CCDC149: variants seen among roughly 807,000 people sequenced by gnomAD.
CCDC149 encodes coiled-coil domain-containing protein 149.
Under a neutral mutation model 59.9 loss-of-function variants are expected in CCDC149, and 45 were observed. That is an observed-to-expected ratio of 0.75 (90% CI 0.59 to 0.96). CCDC149 has a LOEUF of 0.96. Ranked by LOEUF, CCDC149 falls within the 40% of genes least tolerant of loss-of-function variation. The pLI is 0.00. For synonymous variants in CCDC149, 245 were observed against 260.6 expected (o/e 0.94, Z 0.58); for missense variants, 584 against 664.7 (o/e 0.88, Z 1.33).
At chr4:24,871,862 AT>A (rs536796452) in intron 3 of CCDC149, among the ~76,000 whole-genome samples, 5 of 152,204 alleles carry the variant, frequency 3.3e-5, no homozygotes, top group South Asian at 2.1e-4. Flanking sequence ...GTCAATGTAA[AT>A]TTTTTTTATT....
intron 12 of CCDC149, among the ~76,000 whole-genome samples, chr4:24,818,574 A>G (rs1254877119): frequency 1.3e-5 from 2 of 152,232 alleles, no homozygotes; most frequent in Non-Finnish European, 2.9e-5. Flanking sequence ...TGAGGCGCCC[A>G]TGAAAAGCTG....
intron 1 of CCDC149, among the ~76,000 whole-genome samples, chr4:24,946,418 G>T (rs1259619348): frequency 3.9e-5 from 6 of 152,152 alleles, no homozygotes; most frequent in Non-Finnish European, 8.8e-5. Flanking sequence ...GGTTAAAGAG[G>T]AATGAGAACT....
chr4:24,804,219 G>A (rs1257151685), downstream of CCDC149, among the ~76,000 whole-genome samples: 10 of 152,134 alleles, frequency 6.6e-5, no homozygotes, highest in South Asian at 2.1e-4. Flanking sequence ...CAGGCCGGGC[G>A]CAGTGGCTCA....
intron 8 of CCDC149, among the ~76,000 whole-genome samples, chr4:24,834,471 A>T (rs1030368305): frequency 6.6e-6 from 1 of 152,222 alleles, no homozygotes; most frequent in African/African-American, 2.4e-5. Flanking sequence ...TGATTTCAGC[A>T]GCTAGGAGAC....
At chr4:24,970,242 G>T (rs540748284) in intron 1 of CCDC149, among the ~76,000 whole-genome samples, 2 of 152,192 alleles carry the variant, frequency 1.3e-5, no homozygotes, top group African/African-American at 4.8e-5. Context: ...TGAGATGACC[G>T]GTGTTTCCAG....
chr4:24,913,463 C>T (rs1204407490), upstream of CCDC149, among the ~76,000 whole-genome samples: 1 of 152,230 alleles, frequency 6.6e-6, no homozygotes, highest in African/African-American at 2.4e-5. Context: ...AATGAATGAA[C>T]CACGTTTTAT....
At chr4:24,854,191 C>G (rs142140929) in intron 3 of CCDC149, among the ~76,000 whole-genome samples, 1 of 152,192 alleles carries the variant, frequency 6.6e-6, no homozygotes. Flanking sequence ...CAGTCTTTTA[C>G]TCACAGTCCT....
At chr4:24,819,092 C>G (rs185834958) in intron 12 of CCDC149, among the ~76,000 whole-genome samples, 1 of 152,318 alleles carries the variant, frequency 6.6e-6, no homozygotes, top group Non-Finnish European at 1.5e-5. Context: ...TCCAGAACAC[C>G]CTGCCTCCAG....
At chr4:24,965,799 G>C (rs911841624) in intron 1 of CCDC149, among the ~76,000 whole-genome samples, 3 of 152,228 alleles carry the variant, frequency 2.0e-5, no homozygotes, top group African/African-American at 4.8e-5. Flanking sequence ...CTCTAGTCAG[G>C]AGTAGGCCGA....
At chr4:24,967,453 A>G (rs1032821448) in intron 1 of CCDC149, among the ~76,000 whole-genome samples, 5 of 152,112 alleles carry the variant, frequency 3.3e-5, no homozygotes, top group African/African-American at 1.2e-4. Context: ...ATGCAGCTGT[A>G]CCATCAATCA....
rs576759241 is a variant in CCDC149 at position 24,856,476 on chromosome 4, G to A, written c.265-3297C>T. Among the ~76,000 whole-genome samples the A allele has an allele frequency of 5.3e-5, 8 of 152,368 alleles. No homozygotes were observed. The South Asian group carries it at 1.4e-3, about 28-fold the overall frequency. On this transcript the variant is annotated intron_variant, in intron 3 of 12. Transcript: ENST00000635206. Reference sequence around the variant, plus strand: ...GTGTTGGAAGAAAGGGCCGCAGAAGGTTTCACTGAGAAGGCCACATTTACA... The same window carrying A: ...GTGTTGGAAGAAAGGGCCGCAGAAGATTTCACTGAGAAGGCCACATTTACA...
At chr4:24,979,569 C>T (rs1007856030) in intron 1 of CCDC149, among the ~76,000 whole-genome samples, 1 of 152,164 alleles carries the variant, frequency 6.6e-6, no homozygotes, top group Non-Finnish European at 1.5e-5. Context: ...TTCTGTTATT[C>T]ACAATGTAAT....
At chr4:24,819,773 G>C in intron 12 of CCDC149, 86 bp downstream of exon 12, 1 of 917,632 alleles carries the variant, frequency 1.1e-6, no homozygotes, top group East Asian at 2.6e-5. Flanking sequence ...GCACAAAGGG[G>C]AAGGGGAAGA....
chr4:24,816,895 C>T (rs1440089903), intron 12 of CCDC149, among the ~76,000 whole-genome samples: 1 of 152,162 alleles, frequency 6.6e-6, no homozygotes, highest in African/African-American at 2.4e-5. Flanking sequence ...GGCGATTCAT[C>T]TTCCTTTGTT....
rs1312905817 is a variant in CCDC149, at chr4:24,807,225, A to C, written c.*1164T>G. 6.6e-6 allele frequency: 1 copy of C among 152,176 alleles called. No individual in the cohort carries two copies. Among genetic ancestry groups the C allele is most frequent in the Non-Finnish European group, 1.5e-5 (1 of 68,040 alleles). The allele number at this position is 152,176 out of a possible 1,614,324, so 9.4% of individuals were successfully genotyped here. A position where few individuals can be genotyped will look rare whatever the true frequency, so the allele number is the denominator to read the frequency against. ...TAGTTTTCTGCAGTGCCGGATGCCAACTAGAAAAGCTCATTTTTATCTGAA... is the reference window on the plus strand; with the variant it reads ...TAGTTTTCTGCAGTGCCGGATGCCACCTAGAAAAGCTCATTTTTATCTGAA... On this transcript the variant is annotated 3_prime_UTR_variant, in exon 13 of 13. Transcript: ENST00000635206.
intron 3 of CCDC149, among the ~76,000 whole-genome samples, chr4:24,858,112 C>T (rs1434845829): frequency 6.6e-6 from 1 of 152,096 alleles, no homozygotes; most frequent in Non-Finnish European, 1.5e-5. Flanking sequence ...AAAATAACAC[C>T]CATGACTCAC....
chr4:24,934,455 C>T (rs1722677481), intron 1 of CCDC149, among the ~76,000 whole-genome samples: 1 of 152,174 alleles, frequency 6.6e-6, no homozygotes, highest in African/African-American at 2.4e-5. Context: ...TTACAAATTA[C>T]TCAGTCTTGG....
In CCDC149 at chr4:24,935,836, G is replaced by A. The variant is rs536602037; in HGVS notation, c.-64-40718C>T. Among the ~76,000 whole-genome samples, 75 of 152,216 alleles carry A rather than the reference G, an allele frequency of 4.9e-4. No homozygotes were observed. In the South Asian group the frequency reaches 5.2e-3, roughly 11 times the overall value. ...GAGGGAGAACCAAAGTTATATATTT[G>A]CGAGTCATCTATATATAGCTGGTAT... On this transcript the variant is annotated intron_variant, in intron 1 of 12. Transcript: ENST00000389609.
At chr4:24,805,461 A>G (rs892159057), downstream of CCDC149, among the ~76,000 whole-genome samples, 2 of 152,228 alleles carry the variant, frequency 1.3e-5, no homozygotes, top group African/African-American at 2.4e-5. Flanking sequence ...ACAAAAAGAC[A>G]TGGGGTTCAG....
Sources: allele counts gnomAD v4.1 joint callset (sites outside exome capture counted in the v4.1 genomes callset), GRCh38; gene constraint gnomAD v4.1.1; transcripts MANE v1.5; gene names NCBI Gene and HGNC (gene_info 2026-07-23, HGNC 2026-07-21).